The following GSDMC variants were observed in gnomAD, a reference collection of about 807,000 sequenced individuals.
GSDMC encodes the protein gasdermin-C.
Under a neutral mutation model 58.0 loss-of-function variants are expected in GSDMC, and 59 were observed. The observed-to-expected ratio is 1.02, with a 90% confidence interval of 0.82 to 1.26. GSDMC has a LOEUF of 1.26. Ranked by LOEUF, GSDMC falls within the 50% of genes most tolerant of loss-of-function variation. The probability of loss-of-function intolerance (pLI) is 0.00; values close to 1 mark genes in which losing one functional copy is unlikely to be tolerated. For synonymous variants in GSDMC, 241 were observed against 220.2 expected, an observed-to-expected ratio of 1.09 and a Z score of -0.83; for missense variants, 659 against 598.5, an observed-to-expected ratio of 1.10 and a Z score of -1.06.
At chr8:129,774,796 A>T (rs2034171234) in intron 3 of GSDMC, among the ~76,000 whole-genome samples, 1 of 152,232 alleles carries the variant, frequency 6.6e-6, no homozygotes, top group South Asian at 2.1e-4. Context: ...CCAAAAAAAG[A>T]CATAGAAATA....
chr8:129,748,606 C>G lies in GSDMC; in HGVS notation c.1422G>C (p.Arg474Ser), dbSNP rs771864086. 5 of 1,613,556 alleles carry G rather than the reference C, an allele frequency of 3.1e-6. No individual in the cohort carries two copies. The Admixed American group carries it at 8.3e-5, about 27-fold the overall frequency. Reference sequence around the variant, plus strand: ...TTGACCTGGGGTTATCCAGCTCCATCCTAAGGCCACACTCCTCCAGCAGGC... The same window carrying G: ...TTGACCTGGGGTTATCCAGCTCCATGCTAAGGCCACACTCCTCCAGCAGGC... ...TYGLLEECGL[R>S]MELDNPRSTW... Residue 474 changes from arginine to serine, a missense_variant, in exon 14 of 14, where the codon AGG becomes AGC. Physicochemically the swap from Arg to Ser is moderately radical, Grantham distance 110 (BLOSUM62 -1). Transcript: ENST00000276708.
the GSDMC span, among the ~76,000 whole-genome samples, chr8:129,738,202 C>A: frequency 6.6e-6 from 1 of 152,206 alleles, no homozygotes; most frequent in Admixed American, 6.5e-5. Flanking sequence ...AATAGGAACA[C>A]TTTTACATTG....
At chr8:129,736,858 T>A in the GSDMC span, among the ~76,000 whole-genome samples, 1 of 152,214 alleles carries the variant, frequency 6.6e-6, no homozygotes, top group Non-Finnish European at 1.5e-5. Context: ...TTGTCCCTGT[T>A]TGCAGATCAC....
chr8:129,784,329 T>C (rs1472541087), intron 1 of GSDMC, among the ~76,000 whole-genome samples: 1 of 152,028 alleles, frequency 6.6e-6, no homozygotes, highest in Non-Finnish European at 1.5e-5. Flanking sequence ...GAGAAAATAT[T>C]TGCAAACTTC....
chr8:129,752,671 TA>T (rs1563789647), intron 7 of GSDMC, 26 bp downstream of exon 7: 1 of 1,612,930 alleles, frequency 6.2e-7, no homozygotes, highest in Admixed American at 1.7e-5. Flanking sequence ...AACATAGAAG[TA>T]AAAATAAAGT....
chr8:129,751,403 A>ATGTT (rs926628409), intron 10 of GSDMC, 139 bp downstream of exon 10: 1 of 690,226 alleles, frequency 1.4e-6, no homozygotes, highest in African/African-American at 1.8e-5. Flanking sequence ...TCCTCAATAA[A>ATGTT]TGTTTGTTTG....
chr8:129,744,326 G>A (rs938151168), downstream of GSDMC, among the ~76,000 whole-genome samples: 2 of 152,104 alleles, frequency 1.3e-5, no homozygotes, highest in Admixed American at 6.5e-5. Context: ...TTCACTAAAA[G>A]CTATTTAATC....
chr8:129,760,608 C>A lies in GSDMC; in HGVS notation c.677-19G>T, dbSNP rs753511936. ...AGAATGGCTGAATGGAAAAGAAGAA[C>A]TTCCATTAGGAGAGTTGAGGTTATT... On this transcript the variant is annotated intron_variant, in intron 5 of 13. Transcript: ENST00000276708. 1.5e-5 allele frequency: 20 copies of A among 1,342,606 alleles called. No homozygotes were observed. The highest frequency in any genetic ancestry group is 2.0e-5 in the Non-Finnish European group (19 of 962,550). 83.2% of individuals were successfully genotyped at this position (1,342,606 alleles called of 1,614,324 possible). A position where few individuals can be genotyped will look rare whatever the true frequency, so the allele number is the denominator to read the frequency against.
chr8:129,752,899 G>T, intron 6 of GSDMC, 79 bp from the exon 7 acceptor site: 1 of 1,596,444 alleles, frequency 6.3e-7, no homozygotes, highest in South Asian at 1.1e-5. Context: ...AGAGAGCAGA[G>T]CCAGGCTGGG....
the GSDMC span, among the ~76,000 whole-genome samples, chr8:129,742,694 C>A: frequency 2.0e-5 from 3 of 152,198 alleles, no homozygotes; most frequent in South Asian, 6.2e-4. Context: ...TAATCTGGGG[C>A]AATCAGAGGG....
downstream of GSDMC, among the ~76,000 whole-genome samples, chr8:129,746,851 G>A (rs573796027): frequency 1.3e-5 from 2 of 152,266 alleles, no homozygotes; most frequent in South Asian, 4.1e-4. Context: ...AAGAGGCAAA[G>A]TTTCTCAAAT....
At chr8:129,741,688 G>A in the GSDMC span, among the ~76,000 whole-genome samples, 4 of 152,000 alleles carry the variant, frequency 2.6e-5, no homozygotes, top group South Asian at 8.3e-4. Context: ...TGCTGGGAAT[G>A]TAAATTAATA....
chr8:129,774,307 T>C (rs1044239407), intron 3 of GSDMC, among the ~76,000 whole-genome samples: 1 of 152,080 alleles, frequency 6.6e-6, no homozygotes, highest in African/African-American at 2.4e-5. Context: ...AGATAAAGGA[T>C]AGTGTCTTCA....
At chr8:129,783,294 A>C (rs2034468593) in intron 1 of GSDMC, among the ~76,000 whole-genome samples, 1 of 152,184 alleles carries the variant, frequency 6.6e-6, no homozygotes, top group African/African-American at 2.4e-5. Context: ...GAAAGGAAGA[A>C]GTCAAATTGT....
the GSDMC span, among the ~76,000 whole-genome samples, chr8:129,726,125 C>A: frequency 6.6e-6 from 1 of 152,238 alleles, no homozygotes; most frequent in Non-Finnish European, 1.5e-5. Context: ...ATGATCCTAG[C>A]ATAAGCAGTT....
the GSDMC span, among the ~76,000 whole-genome samples, chr8:129,723,628 G>T: frequency 1.3e-5 from 2 of 152,034 alleles, no homozygotes; most frequent in Non-Finnish European, 2.9e-5. Context: ...GATCAACTCT[G>T]CTCAAACACT....
intron 6 of GSDMC, among the ~76,000 whole-genome samples, chr8:129,753,924 G>T (rs977416285): frequency 6.6e-6 from 1 of 152,182 alleles, no homozygotes; most frequent in African/African-American, 2.4e-5. Context: ...TGTGAAAAGG[G>T]GAGGGAAGAG....
chr8:129,723,273 C>G, the GSDMC span, among the ~76,000 whole-genome samples: 2 of 152,096 alleles, frequency 1.3e-5, no homozygotes, highest in Admixed American at 1.3e-4. Flanking sequence ...TGGAGTCTCT[C>G]TCTGTCGCCC....
chr8:129,743,246 G>T (rs192577231), downstream of GSDMC, among the ~76,000 whole-genome samples: 1 of 151,976 alleles, frequency 6.6e-6, no homozygotes, highest in Non-Finnish European at 1.5e-5. Context: ...GTGTTATATC[G>T]TATCACAGGT....
Sources: gnomAD v4.1 joint callset for allele counts (sites outside exome capture counted in the v4.1 genomes callset) on GRCh38, gnomAD v4.1.1 for gene constraint, MANE v1.5 for transcripts, NCBI Gene and HGNC (gene_info 2026-07-23, HGNC 2026-07-21) for gene names.